The following SMAD9 variants were observed in gnomAD, a reference collection of about 807,000 sequenced individuals.
SMAD9 encodes the protein SMAD family member 9, also known as MAD homolog 9.
A neutral mutation model predicts 46.1 loss-of-function variants in SMAD9; 36 were observed. That is an observed-to-expected ratio of 0.78 (90% confidence interval 0.60 to 1.03). SMAD9 has a LOEUF of 1.03. Among genes scored for constraint, SMAD9 ranks in the 50% least tolerant of loss-of-function variants. SMAD9 has a pLI of 0.00. For missense variants in SMAD9, 572 were observed against 599.8 expected (o/e 0.95, Z 0.48); for synonymous variants, 245 against 237.1 (o/e 1.03, Z -0.31).
At chr13:36,873,866 AAAAAT>A (rs1244989266) in intron 2 of SMAD9, among the ~76,000 whole-genome samples, 1 of 152,234 alleles carries the variant, frequency 6.6e-6, no homozygotes, top group African/African-American at 2.4e-5. Flanking sequence ...TCTGTCTCAA[AAAAAT>A]AAAATAAGCA....
chr13:36,917,873 C>G (rs1177516437), intron 1 of SMAD9, among the ~76,000 whole-genome samples: 1 of 152,160 alleles, frequency 6.6e-6, no homozygotes, highest in Non-Finnish European at 1.5e-5. Flanking sequence ...TCTCATTAAT[C>G]AGAATTAAAC....
chr13:36,859,401 G>A (rs1013613704), intron 5 of SMAD9, among the ~76,000 whole-genome samples: 4 of 152,156 alleles, frequency 2.6e-5, no homozygotes, highest in Admixed American at 1.3e-4. Flanking sequence ...ATTCCCAGAC[G>A]GGTAGGCATT....
At chr13:36,855,251 C>CAAAAAAAAAAAAAAAAAA (rs1198605048) in intron 5 of SMAD9, among the ~76,000 whole-genome samples, 1 of 45,974 alleles carries the variant, frequency 2.2e-5, no homozygotes, top group Non-Finnish European at 4.4e-5. Flanking sequence ...GAGTCCATCT[C>CAAAAAAAAAAAAAAAAAA]AAAAAAAAAA....
chr13:36,914,289 G>C (rs2058682311), intron 1 of SMAD9, among the ~76,000 whole-genome samples: 1 of 152,196 alleles, frequency 6.6e-6, no homozygotes, highest in African/African-American at 2.4e-5. Flanking sequence ...GGAGGCCGAG[G>C]CCGGCGGATC....
intron 1 of SMAD9, among the ~76,000 whole-genome samples, chr13:36,919,717 T>C (rs1399499167): frequency 2.2e-5 from 3 of 133,544 alleles, no homozygotes; most frequent in Non-Finnish European, 4.8e-5. Flanking sequence ...GGGTCGAACA[T>C]CCCCTGACAG....
rs2058380594 is a variant in SMAD9 at position 36,879,438 on chromosome 13, G to T, written c.252C>A (p.Arg84=). ...SLDGRLQVSH[R]KGLPHVIYCR... is the part of the protein sequence containing the mutation. Reference sequence around the variant, plus strand: ...AGTAAATCACATGGGGCAGGCCCTTGCGGTGGGACACCTGCAGCCGCCCGT... The same window carrying T: ...AGTAAATCACATGGGGCAGGCCCTTTCGGTGGGACACCTGCAGCCGCCCGT... The change falls in exon 2 of 7, where the codon CGC becomes CGA. Residue 84 remains arginine, a synonymous_variant. Transcript: ENST00000379826. The T allele has an allele frequency of 6.2e-7, 1 of 1,613,678 alleles. No homozygotes were observed. The highest frequency in any genetic ancestry group is 1.7e-5 in the Admixed American group (1 of 60,006).
chr13:36,867,347 G>T lies in SMAD9; in HGVS notation c.707C>A (p.Ala236Asp). 6.4e-7 allele frequency: 1 copy of T among 1,551,178 alleles called. No individual in the cohort carries two copies. The highest frequency in any genetic ancestry group is 8.7e-7 in the Non-Finnish European group (1 of 1,146,702). Residue 236 changes from alanine to aspartate, a missense_variant, in exon 4 of 7, where the codon GCC becomes GAC. Coordinates refer to ENST00000379826, the MANE Select transcript of SMAD9 (RefSeq NM_001127217.3). Reference sequence around the variant, plus strand: ...AGGTTGGCCACTCTGGGTCTCAGAGGCTTCTGTGGCATGATAAGGCAGGGG... The same window carrying T: ...AGGTTGGCCACTCTGGGTCTCAGAGTCTTCTGTGGCATGATAAGGCAGGGG... ...TPPLPYHATE[A>D]SETQSGQPVD...
intron 6 of SMAD9, chr13:36,852,108 CT>C: frequency 2.1e-6 from 2 of 975,214 alleles, no homozygotes; most frequent in Non-Finnish European, 2.4e-6. Context: ...AATGAAACTG[CT>C]TTGTCACCAT....
chr13:36,883,226 G>A (rs763539645), intron 1 of SMAD9, among the ~76,000 whole-genome samples: 2 of 151,880 alleles, frequency 1.3e-5, no homozygotes, highest in Non-Finnish European at 2.9e-5. Context: ...CCACGGCCCA[G>A]GTTCACCATA....
intron 1 of SMAD9, among the ~76,000 whole-genome samples, chr13:36,883,683 G>C (rs1228934175): frequency 6.6e-6 from 1 of 152,166 alleles, no homozygotes; most frequent in Admixed American, 6.5e-5. Flanking sequence ...CCTGTGAATC[G>C]GAAGTTGCAG....
At chr13:36,867,174 C>T in intron 4 of SMAD9, 99 bp downstream of exon 4, 1 of 790,946 alleles carries the variant, frequency 1.3e-6, no homozygotes. Context: ...AACAGCAGGC[C>T]AGTACATTTC....
rs2058177096 is a variant in SMAD9, at chr13:36,861,096, C to T, written c.1003+4441G>A. ...CCAGCCCCTCTACCTCAGGGACATA[C>T]CCACTAGATGGTAAGTGGGGTAAAT... is the stretch of plus-strand genomic sequence containing the variant. On this transcript the variant is annotated intron_variant, in intron 5 of 6. Coordinates refer to ENST00000379826, the MANE Select transcript of SMAD9 (RefSeq NM_001127217.3). Among the ~76,000 whole-genome samples the T allele has an allele frequency of 2.0e-5, 3 of 152,138 alleles. No homozygotes were observed. The South Asian group carries it at 6.2e-4, about 31-fold the overall frequency.
chr13:36,909,915 C>A lies in SMAD9; in HGVS notation c.-187+10201G>T, dbSNP rs147556200. On this transcript the variant is annotated intron_variant, in intron 1 of 6. Coordinates refer to ENST00000379826, the MANE Select transcript of SMAD9 (RefSeq NM_001127217.3). ...AGGTGCCCCAAAAATTAAAAACAAC[C>A]GGCTGGGCGCAGTGGCTCACGCCTG... is the stretch of plus-strand genomic sequence containing the variant. Among the ~76,000 whole-genome samples, 973 of 152,220 alleles carry A rather than the reference C, an allele frequency of 6.4e-3. 4 individuals are homozygous for A. The highest frequency in any genetic ancestry group is 0.012 in the Non-Finnish European group (802 of 68,022).
chr13:36,875,077 A>T (rs2138456150), intron 2 of SMAD9, among the ~76,000 whole-genome samples: 1 of 152,176 alleles, frequency 6.6e-6, no homozygotes, highest in East Asian at 1.9e-4. Flanking sequence ...AGCAAGAATT[A>T]TTTAGAAGAG....
At chr13:36,866,267 CATTAA>C (rs539690725) in intron 4 of SMAD9, among the ~76,000 whole-genome samples, 16 of 145,068 alleles carry the variant, frequency 1.1e-4, no homozygotes, top group Non-Finnish European at 2.3e-4. Flanking sequence ...CTGAATAGGA[CATTAA>C]ATTATTTAAG....
At chr13:36,855,805 G>C in intron 5 of SMAD9, among the ~76,000 whole-genome samples, 1 of 152,128 alleles carries the variant, frequency 6.6e-6, no homozygotes, top group Non-Finnish European at 1.5e-5. Context: ...GAACAATTTT[G>C]AGTAGTATGT....
At chr13:36,861,904 G>A (rs1402389618) in intron 5 of SMAD9, among the ~76,000 whole-genome samples, 2 of 151,422 alleles carry the variant, frequency 1.3e-5, no homozygotes, top group East Asian at 2.0e-4. Context: ...ACTCCAGCCT[G>A]GGTGACAGAG....
chr13:36,884,976 C>T (rs4520715), intron 1 of SMAD9, among the ~76,000 whole-genome samples: 25,640 of 152,064 alleles, frequency 0.17, 2,693 homozygotes, highest in Non-Finnish European at 0.23. Context: ...ACAATCACCC[C>T]GATAAAACAT....
At chr13:36,900,601 A>C (rs2058566191) in intron 1 of SMAD9, among the ~76,000 whole-genome samples, 1 of 150,290 alleles carries the variant, frequency 6.7e-6, no homozygotes. Flanking sequence ...TAAACTGCAA[A>C]CCCCCACCAC....
Sources: gnomAD v4.1 joint callset for allele counts (sites outside exome capture counted in the v4.1 genomes callset) on GRCh38, gnomAD v4.1.1 for gene constraint, MANE v1.5 for transcripts, NCBI Gene and HGNC (gene_info 2026-07-23, HGNC 2026-07-21) for gene names.